TDRD6: variants seen among roughly 807,000 people sequenced by gnomAD.
TDRD6 encodes the protein tudor domain containing 6, also known as tudor domain-containing protein 6.
Under a neutral mutation model 157.5 loss-of-function variants are expected in TDRD6, and 186 were observed. The observed-to-expected ratio is 1.18, with a 90% CI of 1.05 to 1.33. TDRD6 has a LOEUF of 1.33. Among genes scored for constraint, TDRD6 ranks in the 40% most tolerant of loss-of-function variants. TDRD6 has a pLI of 0.00. For missense variants in TDRD6, 3,066 were observed against 2,508.0 expected (o/e 1.22, Z -4.75); for synonymous variants, 1,075 against 945.2 (o/e 1.14, Z -2.52).
chr6:46,701,083 A>C, intron 3 of TDRD6: 1 of 416,574 alleles, frequency 2.4e-6, no homozygotes, highest in Non-Finnish European at 4.9e-6. Flanking sequence ...TTTTTAAAAC[A>C]AAATACTTTT....
At chr6:46,684,447 A>G (rs1041609110), upstream of TDRD6, among the ~76,000 whole-genome samples, 2 of 151,970 alleles carry the variant, frequency 1.3e-5, no homozygotes, top group Admixed American at 6.6e-5. Flanking sequence ...ATCACTGCAC[A>G]CAAGATACAG....
At chr6:46,681,206 T>C in the TDRD6 span, among the ~76,000 whole-genome samples, 1 of 152,242 alleles carries the variant, frequency 6.6e-6, no homozygotes, top group Non-Finnish European at 1.5e-5. Context: ...ACTTCTGATT[T>C]TATGAAATTT....
intron 2 of TDRD6, 56 bp from the exon 3 acceptor site, chr6:46,697,942 T>A: frequency 1.0e-6 from 1 of 960,414 alleles, no homozygotes; most frequent in Non-Finnish European, 1.6e-6. Context: ...CTCTGGTACA[T>A]AAATCAGTTA....
upstream of TDRD6, among the ~76,000 whole-genome samples, chr6:46,684,814 T>C (rs1317389310): frequency 6.6e-6 from 1 of 152,046 alleles, no homozygotes; most frequent in South Asian, 2.1e-4. Context: ...ATGAGCATGT[T>C]TCCTTTCTTT....
intron 3 of TDRD6, among the ~76,000 whole-genome samples, chr6:46,699,771 C>CT (rs1460728126): frequency 6.6e-6 from 1 of 152,092 alleles, no homozygotes; most frequent in Non-Finnish European, 1.5e-5. Flanking sequence ...ACTTTTGAGT[C>CT]TTTGAGTAGT....
In TDRD6 at chr6:46,689,484, A is replaced by T. The variant is rs144366776; in HGVS notation, c.1356A>T (p.Thr452=). The T allele has an allele frequency of 1.2e-6, 2 of 1,613,720 alleles. No individual in the cohort carries two copies. The highest frequency in any genetic ancestry group is 2.7e-5 in the African/African-American group (2 of 74,934). The change falls in exon 1 of 4, where the codon ACA becomes ACT. Residue 452 remains threonine (T), a synonymous_variant. Transcript: ENST00000316081. The part of the protein sequence containing the change: ...LADRVLQSQA[T]EEEEPETSQS... Reference sequence around the variant, plus strand: ...ACCGAGTCCTTCAGAGCCAGGCAACAGAGGAGGAGGAACCAGAAACATCTC... The same window carrying T: ...ACCGAGTCCTTCAGAGCCAGGCAACTGAGGAGGAGGAACCAGAAACATCTC...
Position 46,694,071 on chromosome 6 carries a change from G to T in TDRD6, c.5943G>T (p.Glu1981Asp), listed in dbSNP as rs775403681. ...ATATATGTGAAGAAGAATTTGTAGA[G>T]TATAAAAACAGGGATGCCATTTCGG... ...EMNICEEEFV[E>D]YKNRDAISAL... The change falls in exon 1 of 4, where the codon GAG becomes GAT. Residue 1981 changes from glutamate to aspartate, a missense_variant. Physicochemically the swap from Glu to Asp is conservative, Grantham distance 45. Transcript: ENST00000316081. The T allele has an allele frequency of 5.0e-6, 8 of 1,613,476 alleles. No individual in the cohort carries two copies. Among genetic ancestry groups the T allele is most frequent in the Non-Finnish European group, 6.8e-6 (8 of 1,179,808 alleles).
chr6:46,693,766 C>G lies in TDRD6; in HGVS notation c.5638C>G (p.Gln1880Glu). The change falls in exon 1 of 4, where the codon CAA becomes GAA. Residue 1880 changes from glutamine (Q) to glutamate (E), a missense_variant. Transcript: ENST00000316081. Reference sequence around the variant, plus strand: ...GGTGCCACCGAATGTGCCACTCTCCCAAGAGTGTGTCACAAAAGGCGCCAT... The same window carrying G: ...GGTGCCACCGAATGTGCCACTCTCCGAAGAGTGTGTCACAAAAGGCGCCAT... ...SPVPPNVPLS[Q>E]ECVTKGAMEL... The G allele has an allele frequency of 1.9e-6, 3 of 1,614,114 alleles. No individual in the cohort carries two copies. Among genetic ancestry groups the G allele is most frequent in the Non-Finnish European group, 2.5e-6 (3 of 1,180,028 alleles).
rs780055856 is a variant in TDRD6 at position 46,690,322 on chromosome 6, G to A, written c.2194G>A (p.Gly732Ser). The A allele has an allele frequency of 4.3e-6, 7 of 1,613,130 alleles. No individual in the cohort carries two copies. In the African/African-American group the frequency reaches 8.0e-5, roughly 18 times the overall value. ...ALSDTTVVTN[G>S]STELVVQEKV... is the part of the protein sequence containing the mutation. ...GAGTGACACAACAGTTGTAACAAAT[G>A]GTTCAACTGAACTAGTTGTGCAGGA... The change falls in exon 1 of 4, where the codon GGT (glycine) becomes AGT (serine). Residue 732 changes from glycine (G) to serine (S), a missense_variant. Physicochemically the swap from Gly to Ser is moderately conservative, Grantham distance 56. Transcript: ENST00000316081.
At chr6:46,685,014 GTT>G (rs76156697), upstream of TDRD6, among the ~76,000 whole-genome samples, 53 of 131,500 alleles carry the variant, frequency 4.0e-4, 1 homozygote, top group Admixed American at 1.2e-3. Flanking sequence ...AACATTGTGG[GTT>G]TTTTTTTTTT....
rs1764186020 is a variant in TDRD6 at position 46,688,547 on chromosome 6, G to T, written c.419G>T (p.Gly140Val). 6.3e-7 allele frequency: 1 copy of T among 1,579,414 alleles called. No individual in the cohort carries two copies. Among genetic ancestry groups the T allele is most frequent in the African/African-American group, 1.3e-5 (1 of 74,522 alleles). Residue 140 changes from glycine (G) to valine (V), a missense_variant, in exon 1 of 4, where the codon GGC becomes GTC. By Grantham distance (109) the Gly-to-Val change is moderately radical. Coordinates refer to ENST00000316081, the MANE Select transcript of TDRD6 (RefSeq NM_001010870.3). ...VLAGLVPAGCGAGSGEPPQHW... is the reference protein window; with the variant it reads ...VLAGLVPAGCVAGSGEPPQHW... Reference sequence around the variant, plus strand: ...GCGGGCCTGGTGCCGGCAGGCTGCGGCGCGGGCTCAGGCGAGCCGCCGCAG... The same window carrying T: ...GCGGGCCTGGTGCCGGCAGGCTGCGTCGCGGGCTCAGGCGAGCCGCCGCAG...
At chr6:46,683,258 C>T (rs1764005838), upstream of TDRD6, among the ~76,000 whole-genome samples, 1 of 151,852 alleles carries the variant, frequency 6.6e-6, no homozygotes, top group Admixed American at 6.6e-5. Context: ...AATTGGATAT[C>T]CATATATAAA....
In TDRD6 at chr6:46,690,270, T is replaced by C; in HGVS notation, c.2142T>C (p.Asn714=). ...GEGEQKAKRE[N]KTTSVSKALS... is the part of the protein sequence containing the mutation. ...GAGAGCAGAAAGCCAAGAGAGAGAA[T>C]AAAACCACATCTGTTTCAAAAGCTT... The change falls in exon 1 of 4, where the codon AAT becomes AAC. Residue 714 remains asparagine (N), a synonymous_variant. Transcript: ENST00000316081. 1.9e-6 allele frequency: 3 copies of C among 1,613,694 alleles called. No individual in the cohort carries two copies. Among genetic ancestry groups the C allele is most frequent in the Non-Finnish European group, 2.5e-6 (3 of 1,180,006 alleles).
At position 46,689,158 on chromosome 6, in the gene TDRD6, C is replaced by T. The variant is rs764802754; in HGVS notation, c.1030C>T (p.Leu344Phe). 3.7e-6 allele frequency: 6 copies of T among 1,614,204 alleles called. No homozygotes were observed. Among genetic ancestry groups the T allele is most frequent in the Non-Finnish European group, 5.1e-6 (6 of 1,180,040 alleles). Reference protein sequence around the residue: ...TFRPQRCAQVLHVDYGRKELV... With the variant: ...TFRPQRCAQVFHVDYGRKELV... Reference sequence around the variant, plus strand: ...TCGGCCCCAGCGCTGTGCCCAGGTGCTTCATGTGGACTATGGAAGGAAGGA... The same window carrying T: ...TCGGCCCCAGCGCTGTGCCCAGGTGTTTCATGTGGACTATGGAAGGAAGGA... The change falls in exon 1 of 4, where the codon CTT becomes TTT. Residue 344 changes from leucine (L) to phenylalanine (F), a missense_variant. Transcript: ENST00000316081.
Position 46,688,817 on chromosome 6 carries a change from TC to T in TDRD6, c.692del (p.Pro231ArgfsTer20). The T allele has an allele frequency of 2.5e-6, 4 of 1,611,614 alleles. No homozygotes were observed. The highest frequency in any genetic ancestry group is 3.4e-6 in the Non-Finnish European group (4 of 1,179,492). On this transcript the variant is annotated frameshift_variant, in exon 1 of 4. Coordinates refer to ENST00000316081, the MANE Select transcript of TDRD6 (RefSeq NM_001010870.3). LOFTEE classifies it high-confidence loss of function. ...TCCGGGGTCCCGGTTCTCTCGCGAGTCCCGCTCAAGCAAAAGCAGCCTGGTC... is the reference window on the plus strand; with the variant it reads ...TCCGGGGTCCCGGTTCTCTCGCGAGTCCGCTCAAGCAAAAGCAGCCTGGTC... ...VGSGVPVLSR[V>X]PLKQKQPGLD...
At chr6:46,681,524 C>T in the TDRD6 span, 1 of 470,734 alleles carries the variant, frequency 2.1e-6, no homozygotes, top group Non-Finnish European at 4.4e-6. Flanking sequence ...TTACCCCCAA[C>T]AGGCTGCTGT....
At chr6:46,699,734 T>G (rs951073580) in intron 3 of TDRD6, among the ~76,000 whole-genome samples, 13 of 152,324 alleles carry the variant, frequency 8.5e-5, no homozygotes, top group Admixed American at 5.9e-4. Flanking sequence ...GTTTTTACTT[T>G]AATTCTTAAT....
chr6:46,689,795 T>TA lies in TDRD6; in HGVS notation c.1668dup (p.Val557SerfsTer6). The TA allele has an allele frequency of 6.2e-7, 1 of 1,614,208 alleles. No homozygotes were observed. Among genetic ancestry groups the TA allele is most frequent in the Non-Finnish European group, 8.5e-7 (1 of 1,180,032 alleles). ...AAAGAAAATGGTTATTATAGGGCCATAGTCACCAAATTGGATGACAAGAGT... is the reference window on the plus strand; with the variant it reads ...AAAGAAAATGGTTATTATAGGGCCATAAGTCACCAAATTGGATGACAAGAGT... On this transcript the variant is annotated frameshift_variant, in exon 1 of 4. Coordinates refer to ENST00000316081, the MANE Select transcript of TDRD6 (RefSeq NM_001010870.3). LOFTEE classifies it high-confidence loss of function.
rs760845251 is a variant in TDRD6, at chr6:46,690,009, A to G, written c.1881A>G (p.Lys627=). 4.3e-6 allele frequency: 7 copies of G among 1,613,700 alleles called. No individual in the cohort carries two copies. The highest frequency in any genetic ancestry group is 5.9e-6 in the Non-Finnish European group (7 of 1,179,804). Residue 627 remains lysine, a synonymous_variant, in exon 1 of 4, where the codon AAA becomes AAG. Transcript: ENST00000316081. ...VSFFKKTVLH[K]ELVIHILDKQ... ...TTTTTAAAAAGACTGTGCTCCACAA[A>G]GAATTAGTCATCCATATTCTTGATA...
Sources: allele counts gnomAD v4.1 joint callset (sites outside exome capture counted in the v4.1 genomes callset), GRCh38; gene constraint gnomAD v4.1.1; transcripts MANE v1.5; gene names NCBI Gene and HGNC (gene_info 2026-07-23, HGNC 2026-07-21).